The following YWHAB variants were observed in gnomAD, a reference collection of about 807,000 sequenced individuals.
YWHAB encodes 14-3-3 protein beta/alpha.
In YWHAB, 2 loss-of-function variants were observed where a neutral mutation model predicts 28.5. That is an observed-to-expected ratio of 0.07 (90% confidence interval 0.03 to 0.22). YWHAB has a LOEUF of 0.22. Among genes scored for constraint, YWHAB ranks in the 10% least tolerant of loss-of-function variants. YWHAB has a pLI of 1.00. For missense variants in YWHAB, 148 were observed against 297.1 expected, an observed-to-expected ratio of 0.50 and a Z score of 3.69; for synonymous variants, 103 against 104.7, an observed-to-expected ratio of 0.98 and a Z score of 0.10.
At chr20:44,904,908 T>A in intron 3 of YWHAB, 60 bp from the exon 4 acceptor site, 1 of 1,487,196 alleles carries the variant, frequency 6.7e-7, no homozygotes, top group Non-Finnish European at 9.0e-7. Context: ...TGATAGTTGG[T>A]CCAATGTGTG....
rs754253800 is a variant in YWHAB at position 44,906,466 on chromosome 20, G to A, written c.*28G>A. Reference sequence around the variant, plus strand: ...TTTCTCGTGCTTTGTGATCTGTTCAGTGTCACTCTGTACCCTCAACATATA... The same window carrying A: ...TTTCTCGTGCTTTGTGATCTGTTCAATGTCACTCTGTACCCTCAACATATA... On this transcript the variant is annotated 3_prime_UTR_variant, in exon 6 of 6. Coordinates refer to ENST00000353703, the MANE Select transcript of YWHAB (RefSeq NM_139323.4). 6.8e-7 allele frequency: 1 copy of A among 1,462,856 alleles called. No individual in the cohort carries two copies. Among genetic ancestry groups the A allele is most frequent in the Non-Finnish European group, 9.4e-7 (1 of 1,063,090 alleles). The allele number at this position is 1,462,856 out of a possible 1,614,324, so 90.6% of individuals were successfully genotyped here.
At chr20:44,895,571 C>T (rs952884520) in intron 1 of YWHAB, among the ~76,000 whole-genome samples, 2 of 152,148 alleles carry the variant, frequency 1.3e-5, no homozygotes, top group African/African-American at 2.4e-5. Flanking sequence ...TAGCCTCAAG[C>T]GATTCTCCCA....
Position 44,904,026 on chromosome 20 carries a change from A to G in YWHAB, c.334A>G (p.Thr112Ala), listed in dbSNP as rs1437521308. Reference protein sequence around the residue: ...LLDKYLIPNATQPESKVFYLK... With the variant: ...LLDKYLIPNAAQPESKVFYLK... ...GGACAAATATCTTATTCCCAATGCTACACAACCAGAAAGTAAGGTGTTCTA... is the reference window on the plus strand; with the variant it reads ...GGACAAATATCTTATTCCCAATGCTGCACAACCAGAAAGTAAGGTGTTCTA... The change falls in exon 3 of 6, where the codon ACA becomes GCA. Residue 112 changes from threonine to alanine, a missense_variant. Thr to Ala is a moderately conservative substitution (Grantham distance 58, BLOSUM62 0). Coordinates refer to ENST00000353703, the MANE Select transcript of YWHAB (RefSeq NM_139323.4). 1.2e-6 allele frequency: 2 copies of G among 1,600,684 alleles called. No homozygotes were observed. Among genetic ancestry groups the G allele is most frequent in the Non-Finnish European group, 1.7e-6 (2 of 1,176,938 alleles).
In YWHAB at chr20:44,907,010, A is replaced by G. The variant is rs1601100509; in HGVS notation, c.*572A>G. 6.6e-6 allele frequency: 1 copy of G among 152,508 alleles called. No homozygotes were observed. The highest frequency in any genetic ancestry group is 2.1e-4 in the South Asian group (1 of 4,830). The allele number at this position is 152,508 out of a possible 1,614,324, so 9.4% of individuals were successfully genotyped here. On this transcript the variant is annotated 3_prime_UTR_variant, in exon 6 of 6. Coordinates refer to ENST00000353703, the MANE Select transcript of YWHAB (RefSeq NM_139323.4). ...TTGCCACTTAAAAGTTCATGACCAC[A>G]AATGTCCACAGTGTCTTCCTCTGAG...
At chr20:44,906,154 C>G in intron 5 of YWHAB, 58 bp downstream of exon 5, 1 of 1,379,084 alleles carries the variant, frequency 7.3e-7, no homozygotes, top group African/African-American at 1.4e-5. Flanking sequence ...CTTAATAATT[C>G]ACTGTTATCT....
chr20:44,888,180 A>C (rs944586300), intron 1 of YWHAB, among the ~76,000 whole-genome samples: 24 of 152,210 alleles, frequency 1.6e-4, no homozygotes, highest in African/African-American at 5.8e-4. Flanking sequence ...ATGAATATAC[A>C]CGTGTATAGA....
At chr20:44,906,259 C>G in intron 5 of YWHAB, 123 bp from the exon 6 acceptor site, 1 of 1,190,078 alleles carries the variant, frequency 8.4e-7, no homozygotes, top group African/African-American at 1.5e-5. Context: ...TGCAATCATC[C>G]CTGTCTGCAG....
chr20:44,893,976 C>T (rs1423897495), intron 1 of YWHAB, among the ~76,000 whole-genome samples: 1 of 152,166 alleles, frequency 6.6e-6, no homozygotes, highest in Non-Finnish European at 1.5e-5. Flanking sequence ...GGATTACACA[C>T]GTAAGCCAGT....
chr20:44,905,504 T>G (rs531270679), intron 4 of YWHAB: 19 of 173,672 alleles, frequency 1.1e-4, no homozygotes, highest in Non-Finnish European at 2.1e-4. Flanking sequence ...ACCTTCCATA[T>G]TCTTCCTTTG....
chr20:44,906,484 A>C lies in YWHAB; in HGVS notation c.*46A>C. ...CTGTTCAGTGTCACTCTGTACCCTC[A>C]ACATATATCCCTTGTGCGATAAAAA... On this transcript the variant is annotated 3_prime_UTR_variant, in exon 6 of 6. Transcript: ENST00000353703. 7.1e-7 allele frequency: 1 copy of C among 1,413,006 alleles called. No homozygotes were observed. The highest frequency in any genetic ancestry group is 9.9e-7 in the Non-Finnish European group (1 of 1,011,928). 87.5% of individuals were successfully genotyped at this position (1,413,006 alleles called of 1,614,324 possible).
rs539445469 is a variant in YWHAB, at chr20:44,903,128, A to G, written c.301-865A>G. ...CTTCAGAACTACTTTTGTTGTAAGC[A>G]TAAATGTTTAAAGGAATTTATTATT... On this transcript the variant is annotated intron_variant, in intron 2 of 5. Transcript: ENST00000353703. 6.5e-5 allele frequency: 64 copies of G among 980,840 alleles called. No individual in the cohort carries two copies. In the African/African-American group the frequency reaches 1.1e-3, roughly 17 times the overall value. The allele number at this position is 980,840 out of a possible 1,614,324, so 60.8% of individuals were successfully genotyped here.
At chr20:44,893,157 C>A (rs2066573645) in intron 1 of YWHAB, among the ~76,000 whole-genome samples, 1 of 152,112 alleles carries the variant, frequency 6.6e-6, no homozygotes, top group Non-Finnish European at 1.5e-5. Context: ...GCTCTAGCCA[C>A]TGGGAAATAA....
intron 1 of YWHAB, among the ~76,000 whole-genome samples, chr20:44,896,732 A>G (rs984473722): frequency 1.3e-5 from 2 of 152,238 alleles, no homozygotes; most frequent in Non-Finnish European, 2.9e-5. Context: ...TTTATTGTAG[A>G]TGTAGAAATA....
Position 44,906,439 on chromosome 20 carries a change from T to C in YWHAB, c.*1T>C, listed in dbSNP as rs2066656376. 13 of 1,610,082 alleles carry C rather than the reference T, an allele frequency of 8.1e-6. No individual in the cohort carries two copies. Among genetic ancestry groups the C allele is most frequent in the Non-Finnish European group, 1.0e-5 (12 of 1,179,174 alleles). ...AGACGCTGGGGAGGGAGAGAACTAA[T>C]GTTTCTCGTGCTTTGTGATCTGTTC... On this transcript the variant is annotated 3_prime_UTR_variant, in exon 6 of 6. Transcript: ENST00000353703.
chr20:44,900,761 G>A (rs1019291831), intron 1 of YWHAB, among the ~76,000 whole-genome samples: 1 of 152,096 alleles, frequency 6.6e-6, no homozygotes, highest in Non-Finnish European at 1.5e-5. Flanking sequence ...AGAAGTCAAG[G>A]ACATATATAT....
intron 1 of YWHAB, among the ~76,000 whole-genome samples, chr20:44,899,696 C>T (rs921592471): frequency 7.2e-5 from 11 of 152,022 alleles, no homozygotes; most frequent in African/African-American, 1.9e-4. Context: ...TTAAAATTAC[C>T]GCACTCTGTA....
At position 44,908,202 on chromosome 20, in the gene YWHAB, G is replaced by GA. The variant is rs1224382496; in HGVS notation, c.*1766dup. 1 of 152,160 alleles carries GA rather than the reference G, an allele frequency of 6.6e-6. No individual in the cohort carries two copies. Among genetic ancestry groups the GA allele is most frequent in the Non-Finnish European group, 1.5e-5 (1 of 67,972 alleles). The allele number at this position is 152,160 out of a possible 1,614,324, so 9.4% of individuals were successfully genotyped here. ...AAAAAAAAATCCCTCCTTTCTAGCTGAACAAAAATGTGCAGTTAATACTTG... is the reference window on the plus strand; with the variant it reads ...AAAAAAAAATCCCTCCTTTCTAGCTGAAACAAAAATGTGCAGTTAATACTTG... On this transcript the variant is annotated 3_prime_UTR_variant, in exon 6 of 6. Transcript: ENST00000353703.
rs1386961449 is a variant in YWHAB at position 44,908,119 on chromosome 20, G to A, written c.*1681G>A. On this transcript the variant is annotated 3_prime_UTR_variant, in exon 6 of 6. Coordinates refer to ENST00000353703, the MANE Select transcript of YWHAB (RefSeq NM_139323.4). The stretch of plus-strand genomic sequence containing the variant: ...CATCTGTTTGTCCATCTGCTGAAAT[G>A]AGAAAAGAAAAATTTATGCACTGAT... 29 of 148,054 alleles carry A rather than the reference G, an allele frequency of 2.0e-4. No homozygotes were observed. Among genetic ancestry groups the A allele is most frequent in the African/African-American group, 7.3e-4 (29 of 39,620 alleles). 9.2% of individuals were successfully genotyped at this position (148,054 alleles called of 1,614,324 possible). A position where few individuals can be genotyped will look rare whatever the true frequency, so the allele number is the denominator to read the frequency against.
rs187738137 is a variant in YWHAB, at chr20:44,888,567, T to A, written c.-4+2681T>A. On this transcript the variant is annotated intron_variant, in intron 1 of 5. Transcript: ENST00000353703. ...GGTAGAGACAGCACATGTATATGTT[T>A]TATGTGAACACCATTTAGTCCTTAA... Among the ~76,000 whole-genome samples, 381 of 152,360 alleles carry A rather than the reference T, an allele frequency of 2.5e-3. 2 individuals are homozygous for A. The highest frequency in any genetic ancestry group is 8.9e-3 in the African/African-American group (371 of 41,578).
Sources: allele counts gnomAD v4.1 joint callset (sites outside exome capture counted in the v4.1 genomes callset), GRCh38; gene constraint gnomAD v4.1.1; transcripts MANE v1.5; gene names NCBI Gene and HGNC (gene_info 2026-07-23, HGNC 2026-07-21).